PPP2R5C: variants seen among roughly 807,000 people sequenced by gnomAD.
PPP2R5C encodes protein phosphatase 2 regulatory subunit B'gamma.
Under a neutral mutation model 68.9 loss-of-function variants are expected in PPP2R5C, and 7 were observed. That is an observed-to-expected ratio of 0.10 (90% CI 0.06 to 0.19). The LOEUF is 0.19. PPP2R5C is among the 10% of genes least tolerant of loss of function. PPP2R5C has a pLI of 1.00. For missense variants in PPP2R5C, 348 were observed against 641.3 expected (o/e 0.54, Z 4.94); for synonymous variants, 210 against 222.2 (o/e 0.95, Z 0.49).
At chr14:101,773,451 C>T (rs1235922672) in intron 2 of PPP2R5C, among the ~76,000 whole-genome samples, 1 of 152,000 alleles carries the variant, frequency 6.6e-6, no homozygotes, top group Non-Finnish European at 1.5e-5. Flanking sequence ...AAGAAGGAGG[C>T]CACAGTGCAA....
intron 1 of PPP2R5C, among the ~76,000 whole-genome samples, chr14:101,845,866 G>A (rs1212509946): frequency 6.6e-6 from 1 of 152,232 alleles, no homozygotes; most frequent in Non-Finnish European, 1.5e-5. Context: ...ATGGTGGACT[G>A]TGAGCCATGG....
At position 101,869,676 on chromosome 14, in the gene PPP2R5C, AC is replaced by A. The variant is rs1269528293; in HGVS notation, c.295-12484del. 2.0e-5 allele frequency among the ~76,000 whole-genome samples: 3 copies of A among 151,808 alleles called. No individual in the cohort carries two copies. The East Asian group carries it at 5.8e-4, about 29-fold the overall frequency. On this transcript the variant is annotated intron_variant, in intron 2 of 13. Transcript: ENST00000334743. Reference sequence around the variant, plus strand: ...AGGCTTGTTTGTTTGTTTTTTGGAGACAGGGTCTCGCTCTGCCAGCCAGGCT... The same window carrying A: ...AGGCTTGTTTGTTTGTTTTTTGGAGAAGGGTCTCGCTCTGCCAGCCAGGCT...
At chr14:101,870,322 G>A (rs1285090066) in intron 2 of PPP2R5C, among the ~76,000 whole-genome samples, 4 of 151,932 alleles carry the variant, frequency 2.6e-5, no homozygotes, top group African/African-American at 7.3e-5. Context: ...TTTCTTCATC[G>A]TTTCACATTT....
intron 5 of PPP2R5C, among the ~76,000 whole-genome samples, chr14:101,887,954 G>A (rs771736513): frequency 1.3e-5 from 2 of 152,134 alleles, no homozygotes; most frequent in Non-Finnish European, 2.9e-5. Flanking sequence ...CCCTCCCAGG[G>A]TGTCCCTGTT....
At chr14:101,914,319 C>A (rs577431330) in intron 12 of PPP2R5C, 74 of 374,492 alleles carry the variant, frequency 2.0e-4, no homozygotes, top group African/African-American at 1.5e-3. Flanking sequence ...GGCACATGGT[C>A]TCCTAAACAG....
In PPP2R5C at chr14:101,888,500, ATTG is replaced by A. The variant is rs976817800; in HGVS notation, c.630-1732_630-1730del. On this transcript the variant is annotated intron_variant, in intron 5 of 13. Transcript: ENST00000334743. The surrounding 1 kb of genome is among the most constrained non-coding windows in gnomAD (Gnocchi z 5.6). Reference sequence around the variant, plus strand: ...TCCCTCTTAGGCTTTGGCCACCTGCATTGTTGTGCTACTGGGTCTCCCTGCTAA... The same window carrying A: ...TCCCTCTTAGGCTTTGGCCACCTGCATTGTGCTACTGGGTCTCCCTGCTAA... Among the ~76,000 whole-genome samples, 3 of 151,984 alleles carry A rather than the reference ATTG, an allele frequency of 2.0e-5. No homozygotes were observed. The highest frequency in any genetic ancestry group is 2.9e-5 in the Non-Finnish European group (2 of 67,992).
At chr14:101,805,206 C>T (rs61994037), upstream of PPP2R5C, among the ~76,000 whole-genome samples, 18,767 of 152,038 alleles carry the variant, frequency 0.12, 1,285 homozygotes, top group Admixed American at 0.18. Flanking sequence ...GCTGGGCCTA[C>T]AGGCACGCAC....
chr14:101,839,889 C>T (rs1047967879), intron 1 of PPP2R5C, among the ~76,000 whole-genome samples: 2 of 151,986 alleles, frequency 1.3e-5, no homozygotes, highest in African/African-American at 4.8e-5. Context: ...CGCTCGTCCG[C>T]ACACACTCGG....
intron 10 of PPP2R5C, 74 bp from the exon 13 acceptor site, chr14:101,909,515 C>A: frequency 1.0e-6 from 1 of 954,514 alleles, no homozygotes; most frequent in Non-Finnish European, 1.7e-6. Context: ...GAATATGGAG[C>A]AGCCTGAGAG....
At chr14:101,838,969 G>C (rs1408846997) in intron 1 of PPP2R5C, 1 of 151,662 alleles carries the variant, frequency 6.6e-6, no homozygotes, top group African/African-American at 2.4e-5. Context: ...ACTTGAACCT[G>C]GGAGGCAGAG....
chr14:101,814,840 A>G (rs1464143029), intron 1 of PPP2R5C, among the ~76,000 whole-genome samples: 2 of 152,174 alleles, frequency 1.3e-5, no homozygotes, highest in South Asian at 2.1e-4. Context: ...CACTTTGCCA[A>G]TTGTGACAAG....
At chr14:101,777,339 T>C (rs1303575986) in intron 2 of PPP2R5C, among the ~76,000 whole-genome samples, 2 of 151,982 alleles carry the variant, frequency 1.3e-5, no homozygotes, top group African/African-American at 4.8e-5. Flanking sequence ...TGCTGGGTCA[T>C]ATGGATGGTC....
intron 1 of PPP2R5C, chr14:101,818,278 T>C (rs962658330): frequency 3.3e-5 from 5 of 152,350 alleles, no homozygotes; most frequent in Admixed American, 1.3e-4. Flanking sequence ...ACATCTCCCC[T>C]CCTCATCTTT....
At chr14:101,846,537 T>C (rs769169746) in intron 1 of PPP2R5C, among the ~76,000 whole-genome samples, 1 of 152,264 alleles carries the variant, frequency 6.6e-6, no homozygotes, top group African/African-American at 2.4e-5. Context: ...TTTGAAGTTA[T>C]GTAGGTGCTA....
intron 1 of PPP2R5C, chr14:101,824,124 A>G (rs1010277485): frequency 7.8e-7 from 1 of 1,287,834 alleles, no homozygotes; most frequent in Non-Finnish European, 1.0e-6. Flanking sequence ...CGAGAGATTC[A>G]TGTTCAAGCT....
chr14:101,923,949 T>G (rs946476172), intron 13 of PPP2R5C, among the ~76,000 whole-genome samples: 3 of 152,210 alleles, frequency 2.0e-5, no homozygotes, highest in Admixed American at 6.5e-5. Context: ...AAGACTGACT[T>G]AAATTTTGTC....
At chr14:101,789,660 C>G (rs1014691307) in intron 3 of PPP2R5C, 1 of 152,210 alleles carries the variant, frequency 6.6e-6, no homozygotes, top group East Asian at 1.9e-4. Flanking sequence ...TTTCATAAAC[C>G]TGTATTTTGT....
intron 3 of PPP2R5C, among the ~76,000 whole-genome samples, chr14:101,800,980 A>AATACC (rs1275023362): frequency 1.3e-5 from 2 of 152,230 alleles, no homozygotes; most frequent in Admixed American, 6.5e-5. Context: ...CAGAGAGACA[A>AATACC]ATACCATGTG....
In PPP2R5C at chr14:101,835,953, G is replaced by T. The variant is rs1051802412; in HGVS notation, c.95-20733G>T. Among the ~76,000 whole-genome samples the T allele has an allele frequency of 9.9e-5, 15 of 152,138 alleles. No individual in the cohort carries two copies. The highest frequency in any genetic ancestry group is 3.6e-4 in the African/African-American group (15 of 41,412). ...GATTAGTGGGCTGGGAAAAGTTACA[G>T]TAATATATTACCAGCATGTAGAAAA... is the stretch of plus-strand genomic sequence containing the variant. On this transcript the variant is annotated intron_variant, in intron 1 of 13. Transcript: ENST00000334743. The surrounding 1 kb of genome is among the most constrained non-coding windows in gnomAD (Gnocchi z 5.0).
Sources: allele counts gnomAD v4.1 joint callset (sites outside exome capture counted in the v4.1 genomes callset), GRCh38; gene constraint gnomAD v4.1.1; non-coding constraint Gnocchi (gnomAD v3.1); transcripts MANE v1.5; gene names NCBI Gene and HGNC (gene_info 2026-07-23, HGNC 2026-07-21).